SEMA5B: variants seen among roughly 807,000 people sequenced by gnomAD.
SEMA5B encodes semaphorin-5B.
In SEMA5B, 66 loss-of-function variants were observed where a neutral mutation model predicts 135.0. The ratio of observed to expected loss-of-function variants is 0.49; its 90% confidence interval spans 0.40 to 0.60. SEMA5B has a LOEUF of 0.60. Among genes scored for constraint, SEMA5B ranks in the 20% least tolerant of loss-of-function variants. The pLI is 0.00. For missense variants in SEMA5B, 1,501 were observed against 1,566.3 expected (o/e 0.96, Z 0.70); for synonymous variants, 690 against 639.5 (o/e 1.08, Z -1.19).
At chr3:123,022,386 C>T (rs745754032) in intron 1 of SEMA5B, among the ~76,000 whole-genome samples, 4 of 152,214 alleles carry the variant, frequency 2.6e-5, no homozygotes, top group Non-Finnish European at 4.4e-5. Context: ...AAGTTCCATG[C>T]GCAAGTCTGA....
At chr3:122,937,472 G>A (rs79226962) in intron 5 of SEMA5B, among the ~76,000 whole-genome samples, 3,487 of 152,296 alleles carry the variant, frequency 0.023, 76 homozygotes, top group Non-Finnish European at 0.033. Context: ...ACCAGAGTGG[G>A]AACGTGGACA....
intron 1 of SEMA5B, among the ~76,000 whole-genome samples, chr3:123,001,713 G>C (rs1942179263): frequency 1.3e-5 from 2 of 152,180 alleles, no homozygotes; most frequent in African/African-American, 4.8e-5. Context: ...GGCGACACCT[G>C]CATTCAGCCT....
At chr3:122,981,937 T>G (rs1197426622) in intron 1 of SEMA5B, among the ~76,000 whole-genome samples, 1 of 152,186 alleles carries the variant, frequency 6.6e-6, no homozygotes, top group Non-Finnish European at 1.5e-5. Context: ...TTGGCCATGT[T>G]ACCATGGCAG....
intron 5 of SEMA5B, among the ~76,000 whole-genome samples, chr3:122,930,082 A>G (rs34281316): frequency 0.22 from 33,243 of 151,806 alleles, 3,772 homozygotes; most frequent in Middle Eastern, 0.32. Flanking sequence ...TGGGGAGGGG[A>G]AAAAAAAGAG....
chr3:122,916,810 G>C (rs1576331567), intron 12 of SEMA5B, among the ~76,000 whole-genome samples: 2 of 152,214 alleles, frequency 1.3e-5, no homozygotes, highest in Middle Eastern at 3.4e-3. Context: ...TTAGCATCTT[G>C]AGAATGAGCT....
At position 122,913,291 on chromosome 3, in the gene SEMA5B, GGC is replaced by G; in HGVS notation, c.2412_2413del (p.Leu806CysfsTer76). The G allele has an allele frequency of 2.5e-6, 4 of 1,582,486 alleles. No homozygotes were observed. The highest frequency in any genetic ancestry group is 3.4e-6 in the Non-Finnish European group (4 of 1,172,926). ...CTGCAGGCCGTGCGGGTCTGCAAGGGGCGCGCGGCAGGTGAAGCGGAACCGCT... is the reference window on the plus strand; with the variant it reads ...CTGCAGGCCGTGCGGGTCTGCAAGGGGCGCGGCAGGTGAAGCGGAACCGCT... On this transcript the variant is annotated frameshift_variant, in exon 17 of 23. Transcript: ENST00000357599. LOFTEE classifies it high-confidence loss of function.
intron 1 of SEMA5B, among the ~76,000 whole-genome samples, chr3:122,990,304 C>A (rs144204552): frequency 6.6e-6 from 1 of 152,122 alleles, no homozygotes; most frequent in East Asian, 1.9e-4. Flanking sequence ...GAAAGAAGGG[C>A]GATACCTTTT....
intron 1 of SEMA5B, among the ~76,000 whole-genome samples, chr3:123,003,002 G>C (rs1445654318): frequency 6.6e-6 from 1 of 152,134 alleles, no homozygotes; most frequent in African/African-American, 2.4e-5. Context: ...TATCATCCCA[G>C]TGACCGTGAT....
chr3:122,943,252 AC>A (rs998925728), intron 4 of SEMA5B, among the ~76,000 whole-genome samples, 183 bp downstream of exon 4: 1 of 151,260 alleles, frequency 6.6e-6, no homozygotes, highest in African/African-American at 2.4e-5. Context: ...AGTCACCCCC[AC>A]CCCCACCCAG....
chr3:122,983,059 G>T (rs972794335), intron 1 of SEMA5B, among the ~76,000 whole-genome samples: 2 of 152,202 alleles, frequency 1.3e-5, no homozygotes, highest in Non-Finnish European at 2.9e-5. Context: ...AGGCAGGGCG[G>T]CTGCGGGATG....
intron 1 of SEMA5B, among the ~76,000 whole-genome samples, chr3:122,995,594 C>A (rs1020012811): frequency 5.3e-5 from 8 of 152,200 alleles, no homozygotes; most frequent in Non-Finnish European, 1.2e-4. Flanking sequence ...ACACAGCACC[C>A]AAGCTTGAGA....
chr3:123,010,808 C>CA (rs138507516), intron 1 of SEMA5B, among the ~76,000 whole-genome samples: 3,761 of 62,278 alleles, frequency 0.06, 115 homozygotes, highest in Non-Finnish European at 0.072. Flanking sequence ...GTCTCCATCT[C>CA]AAAAAAAAAA....
chr3:122,984,346 C>T (rs1040097772), intron 1 of SEMA5B, among the ~76,000 whole-genome samples: 2 of 152,242 alleles, frequency 1.3e-5, no homozygotes, highest in African/African-American at 4.8e-5. Context: ...CCCACTAACC[C>T]TATCACTCCC....
At chr3:122,926,322 C>T in intron 9 of SEMA5B, 70 bp downstream of exon 9, 1 of 1,449,726 alleles carries the variant, frequency 6.9e-7, no homozygotes, top group Non-Finnish European at 9.4e-7. Flanking sequence ...ATAGATGAAG[C>T]CCACCAGGCC....
At chr3:123,019,838 T>G (rs975966447) in intron 1 of SEMA5B, among the ~76,000 whole-genome samples, 2 of 151,872 alleles carry the variant, frequency 1.3e-5, no homozygotes, top group East Asian at 3.9e-4. Flanking sequence ...AGCCTAGGAG[T>G]TCCTATGAAG....
intron 1 of SEMA5B, among the ~76,000 whole-genome samples, chr3:122,987,745 G>T (rs748378719): frequency 2.0e-5 from 3 of 152,204 alleles, no homozygotes; most frequent in Admixed American, 1.3e-4. Flanking sequence ...ACTGGGAGAA[G>T]AGAGCCACTG....
chr3:122,919,387 G>A (rs1167412012), intron 12 of SEMA5B, among the ~76,000 whole-genome samples: 1 of 152,170 alleles, frequency 6.6e-6, no homozygotes, highest in African/African-American at 2.4e-5. Context: ...CCTCCTCGTG[G>A]GAGCACTGAT....
In SEMA5B at chr3:122,961,243, C is replaced by A. The variant is rs534299303; in HGVS notation, c.21G>T (p.Pro7=). The change falls in exon 2 of 23, where the codon CCG becomes CCT. Residue 7 remains proline, a synonymous_variant. Transcript: ENST00000357599. ...GGACGAGGTGGTGGGCAACAGGAGA[C>A]GGACTGAAGCCACAGGGCATCCAAG... MPCGFS[P]SPVAHHLVPG... is the part of the protein sequence containing the mutation. The A allele has an allele frequency of 3.1e-6, 5 of 1,613,904 alleles. No individual in the cohort carries two copies. Among genetic ancestry groups the A allele is most frequent in the Non-Finnish European group, 4.2e-6 (5 of 1,179,970 alleles).
intron 1 of SEMA5B, among the ~76,000 whole-genome samples, chr3:122,973,580 GTT>G (rs1941205669): frequency 6.6e-6 from 1 of 152,248 alleles, no homozygotes. Context: ...AATGGACAGA[GTT>G]TTGTTCCTTT....
Sources: allele counts gnomAD v4.1 joint callset (sites outside exome capture counted in the v4.1 genomes callset), GRCh38; gene constraint gnomAD v4.1.1; transcripts MANE v1.5; gene names NCBI Gene and HGNC (gene_info 2026-07-23, HGNC 2026-07-21).